PAG1: variants seen among roughly 807,000 people sequenced by gnomAD.
PAG1 encodes the protein phosphoprotein associated with glycosphingolipid-enriched microdomains 1.
In PAG1, 23 loss-of-function variants were observed where a neutral mutation model predicts 31.7. The observed-to-expected ratio is 0.73, with a 90% confidence interval of 0.52 to 1.03. The LOEUF is 1.03. Among genes scored for constraint, PAG1 ranks in the 50% least tolerant of loss-of-function variants. The pLI is 0.00. For synonymous variants in PAG1, 214 were observed against 210.3 expected (o/e 1.02, Z -0.15); for missense variants, 473 against 540.7 (o/e 0.87, Z 1.24).
intron 3 of PAG1, among the ~76,000 whole-genome samples, chr8:81,000,505 G>T (rs958542965): frequency 6.6e-6 from 1 of 152,074 alleles, no homozygotes; most frequent in Non-Finnish European, 1.5e-5. Flanking sequence ...CTTTAAGGTA[G>T]ATGTTACTGA....
chr8:81,070,657 C>G (rs10108428), intron 1 of PAG1, among the ~76,000 whole-genome samples: 1 of 142,016 alleles, frequency 7.0e-6, no homozygotes, highest in Non-Finnish European at 1.6e-5. Flanking sequence ...CTTTTCAGCA[C>G]AAAAAAAAAA....
intron 1 of PAG1, among the ~76,000 whole-genome samples, chr8:81,084,191 T>C (rs74664536): frequency 0.021 from 3,210 of 152,338 alleles, 39 homozygotes; most frequent in Middle Eastern, 0.041. Context: ...GTTTGTTTTA[T>C]GAACAATGTC....
chr8:81,096,950 C>A (rs1809538346), intron 1 of PAG1, among the ~76,000 whole-genome samples: 1 of 152,226 alleles, frequency 6.6e-6, no homozygotes, highest in Non-Finnish European at 1.5e-5. Context: ...TTCTCTTCAG[C>A]TGAAGCTGAA....
chr8:81,063,873 G>A (rs1457871797), intron 2 of PAG1, among the ~76,000 whole-genome samples: 5 of 152,134 alleles, frequency 3.3e-5, no homozygotes, highest in Non-Finnish European at 5.9e-5. Context: ...CCCAGGGAAG[G>A]GGTACACATG....
chr8:81,085,972 GTTTTT>G (rs869177030), intron 1 of PAG1, among the ~76,000 whole-genome samples: 6 of 58,876 alleles, frequency 1.0e-4, no homozygotes, highest in South Asian at 1.3e-3. Flanking sequence ...AATCTGGCTT[GTTTTT>G]TTTTTTTTTT....
At chr8:80,987,707 TTATACC>T (rs1179527148) in intron 5 of PAG1, among the ~76,000 whole-genome samples, 2 of 152,218 alleles carry the variant, frequency 1.3e-5, no homozygotes, top group African/African-American at 4.8e-5. Context: ...TCCATATATG[TTATACC>T]TATGATGATG....
At chr8:81,078,567 C>A (rs563008032) in intron 1 of PAG1, among the ~76,000 whole-genome samples, 82 of 152,276 alleles carry the variant, frequency 5.4e-4, no homozygotes, top group Non-Finnish European at 9.4e-4. Context: ...ACAAGGGTCT[C>A]AAATGCAGGC....
intron 5 of PAG1, 141 bp from the exon 6 acceptor site, chr8:80,987,607 C>A: frequency 1.6e-6 from 1 of 611,160 alleles, no homozygotes; most frequent in Non-Finnish European, 2.9e-6. Context: ...ATAGTCCCCC[C>A]TTATCTACAG....
In PAG1 at chr8:80,972,940, C is replaced by CAT. The variant is rs1554597047; in HGVS notation, c.*3603_*3604insAT. 6.8e-6 allele frequency: 1 copy of CAT among 146,296 alleles called. No homozygotes were observed. Among genetic ancestry groups the CAT allele is most frequent in the East Asian group, 2.0e-4 (1 of 5,002 alleles). 9.1% of individuals were successfully genotyped at this position (146,296 alleles called of 1,614,324 possible). A position where few individuals can be genotyped will look rare whatever the true frequency, so the allele number is the denominator to read the frequency against. On this transcript the variant is annotated 3_prime_UTR_variant, in exon 9 of 9. Transcript: ENST00000220597. ...AAGTATATACACACACACACGTATA[C>CAT]GTGTGTGTGTGTGTGTGTGTGTGTG...
intron 1 of PAG1, among the ~76,000 whole-genome samples, chr8:81,096,563 T>C (rs1809532345): frequency 1.3e-5 from 2 of 152,234 alleles, no homozygotes; most frequent in Admixed American, 6.5e-5. Context: ...GCCATCCATC[T>C]TTCTTGCAAG....
intron 3 of PAG1, among the ~76,000 whole-genome samples, chr8:81,026,108 T>C (rs1023740252): frequency 1.3e-4 from 20 of 152,074 alleles, no homozygotes; most frequent in Admixed American, 3.9e-4. Flanking sequence ...ATGTTAATAA[T>C]AGTAATAGGG....
At chr8:80,994,687 A>G (rs1279152020) in intron 3 of PAG1, among the ~76,000 whole-genome samples, 18 of 152,186 alleles carry the variant, frequency 1.2e-4, no homozygotes, top group Admixed American at 1.2e-3. Context: ...ACCCTGTCCC[A>G]ATACTTCGAA....
In PAG1 at chr8:81,013,371, G is replaced by A. The variant is rs748220391; in HGVS notation, c.-81+16625C>T. Reference sequence around the variant, plus strand: ...GCCATCCCATATCCAGCTGCACCTGGGCTTCTCTGCCTGGGTGTCCCCCAG... The same window carrying A: ...GCCATCCCATATCCAGCTGCACCTGAGCTTCTCTGCCTGGGTGTCCCCCAG... On this transcript the variant is annotated intron_variant, in intron 3 of 8. Coordinates refer to ENST00000220597, the MANE Select transcript of PAG1 (RefSeq NM_018440.4). Among the ~76,000 whole-genome samples, 9 of 152,200 alleles carry A rather than the reference G, an allele frequency of 5.9e-5. No individual in the cohort carries two copies. In the South Asian group the frequency reaches 8.3e-4, roughly 14 times the overall value.
rs1452640237 is a variant in PAG1 at position 81,111,580 on chromosome 8, A to T, written c.-234+11T>A. On this transcript the variant is annotated intron_variant, in intron 1 of 8. Coordinates refer to ENST00000220597, the MANE Select transcript of PAG1 (RefSeq NM_018440.4). The stretch of plus-strand genomic sequence containing the variant: ...GGCTCCCTCCAACTTCAGAAACTAC[A>T]GTCAACTTACTGGGACTCAGGAGGC... 6.6e-6 allele frequency: 1 copy of T among 152,324 alleles called. No homozygotes were observed. Among genetic ancestry groups the T allele is most frequent in the African/African-American group, 2.4e-5 (1 of 41,462 alleles). 9.4% of individuals were successfully genotyped at this position (152,324 alleles called of 1,614,324 possible).
In PAG1 at chr8:80,968,726, G is replaced by A. The variant is rs1267174565; in HGVS notation, c.*7818C>T. 1 of 152,120 alleles carries A rather than the reference G, an allele frequency of 6.6e-6. No homozygotes were observed. Among genetic ancestry groups the A allele is most frequent in the Non-Finnish European group, 1.5e-5 (1 of 68,026 alleles). The allele number at this position is 152,120 out of a possible 1,614,324, so 9.4% of individuals were successfully genotyped here. ...CACCTACTCAATTATAGCTCTAGTA[G>A]CCATATTATATTATCTACAAACCAG... On this transcript the variant is annotated 3_prime_UTR_variant, in exon 9 of 9. Transcript: ENST00000220597.
chr8:81,007,691 A>G (rs540628001), intron 3 of PAG1, among the ~76,000 whole-genome samples: 1 of 151,184 alleles, frequency 6.6e-6, no homozygotes, highest in African/African-American at 2.4e-5. Flanking sequence ...GGGAGCTTGA[A>G]GAATGACACA....
intron 3 of PAG1, among the ~76,000 whole-genome samples, chr8:81,002,030 A>G (rs1488383425): frequency 6.6e-6 from 1 of 152,194 alleles, no homozygotes; most frequent in East Asian, 1.9e-4. Context: ...CCATGCATTA[A>G]TCATAAACCT....
intron 2 of PAG1, among the ~76,000 whole-genome samples, chr8:81,069,675 A>G (rs1444313510): frequency 6.6e-6 from 1 of 152,224 alleles, no homozygotes; most frequent in African/African-American, 2.4e-5. Context: ...ACAGCCTCGT[A>G]TATTTTTGGT....
intron 1 of PAG1, among the ~76,000 whole-genome samples, chr8:81,081,952 G>A (rs1809272777): frequency 6.6e-6 from 1 of 152,070 alleles, no homozygotes; most frequent in African/African-American, 2.4e-5. Flanking sequence ...GAGTGATATT[G>A]CTGTATCTCA....
Sources: gnomAD v4.1 joint callset for allele counts (sites outside exome capture counted in the v4.1 genomes callset) on GRCh38, gnomAD v4.1.1 for gene constraint, MANE v1.5 for transcripts, NCBI Gene and HGNC (gene_info 2026-07-23, HGNC 2026-07-21) for gene names.